The following CHN2 variants were observed in gnomAD, a reference collection of about 807,000 sequenced individuals.
CHN2 encodes the protein beta-chimaerin.
CHN2 carries 35 observed loss-of-function variants against 56.3 expected under a neutral mutation model. That is an observed-to-expected ratio of 0.62 (90% CI 0.47 to 0.82). The LOEUF (loss-of-function observed/expected upper bound fraction) is 0.82. Ranked by LOEUF, CHN2 falls within the 40% of genes least tolerant of loss-of-function variation. The pLI is 0.00. For missense variants in CHN2, 491 were observed against 580.5 expected (o/e 0.85, Z 1.58); for synonymous variants, 210 against 212.8 (o/e 0.99, Z 0.12).
chr7:29,152,301 T>A (rs993696398), intron 2 of CHN2, among the ~76,000 whole-genome samples: 1 of 152,192 alleles, frequency 6.6e-6, no homozygotes, highest in Admixed American at 6.5e-5. Context: ...GGTTAACTGC[T>A]ATGGATTTAA....
intron 2 of CHN2, among the ~76,000 whole-genome samples, chr7:29,178,164 A>G (rs1393582468): frequency 6.6e-6 from 1 of 152,086 alleles, no homozygotes; most frequent in Admixed American, 6.5e-5. Flanking sequence ...CTTTGAAACC[A>G]CTGGAATAGT....
At chr7:29,148,157 G>A (rs935388410) in intron 2 of CHN2, among the ~76,000 whole-genome samples, 31 of 152,316 alleles carry the variant, frequency 2.0e-4, no homozygotes, top group Admixed American at 3.3e-4. Context: ...CCTTGAAGCA[G>A]GCTCAGTGCC....
chr7:29,431,955 C>T (rs1268089788), intron 6 of CHN2, among the ~76,000 whole-genome samples: 1 of 152,226 alleles, frequency 6.6e-6, no homozygotes, highest in South Asian at 2.1e-4. Context: ...TCTCACCCTG[C>T]GGGCTGACAG....
intron 1 of CHN2, among the ~76,000 whole-genome samples, chr7:29,263,560 C>T (rs978748600): frequency 2.0e-5 from 3 of 151,448 alleles, no homozygotes; most frequent in East Asian, 3.9e-4. Flanking sequence ...TCTTTCCAGC[C>T]GCCACCCTGT....
At chr7:29,234,025 G>A (rs1344803589) in intron 1 of CHN2, among the ~76,000 whole-genome samples, 1 of 149,956 alleles carries the variant, frequency 6.7e-6, no homozygotes, top group African/African-American at 2.5e-5. Context: ...AGTAGAGACG[G>A]GGTTTCACCG....
intron 6 of CHN2, among the ~76,000 whole-genome samples, chr7:29,468,600 C>T (rs1012637932): frequency 6.9e-6 from 1 of 145,458 alleles, no homozygotes; most frequent in Non-Finnish European, 1.5e-5. Flanking sequence ...CTTTTTACTG[C>T]AGTGCTTGGC....
chr7:29,286,512 C>A (rs1250038840), intron 1 of CHN2, among the ~76,000 whole-genome samples: 1 of 152,074 alleles, frequency 6.6e-6, no homozygotes, highest in African/African-American at 2.4e-5. Context: ...GGGGCAGGGG[C>A]GAAGCCAGCG....
intron 1 of CHN2, among the ~76,000 whole-genome samples, chr7:29,340,239 A>G (rs1170226936): frequency 1.3e-5 from 2 of 152,188 alleles, no homozygotes; most frequent in Non-Finnish European, 2.9e-5. Flanking sequence ...TGTACAAATA[A>G]CTGAATTAAT....
chr7:29,474,016 A>T (rs1356802998), intron 6 of CHN2, among the ~76,000 whole-genome samples: 1 of 152,164 alleles, frequency 6.6e-6, no homozygotes, highest in African/African-American at 2.4e-5. Flanking sequence ...GTCAATTAAA[A>T]TTTTTCCACC....
At chr7:29,443,142 T>G (rs1256764976) in intron 6 of CHN2, among the ~76,000 whole-genome samples, 3 of 151,298 alleles carry the variant, frequency 2.0e-5, no homozygotes, top group East Asian at 1.9e-4. Flanking sequence ...GGGTTTCACC[T>G]TGTTAGCCAG....
At position 29,194,837 on chromosome 7, in the gene CHN2, T is replaced by C; in HGVS notation, c.-105T>C. ...TGCTTTCTGCGCGTCCCCAGGACTT[T>C]GCCATGGGCTGGGGGCCGCGGAGGC... On this transcript the variant is annotated 5_prime_UTR_variant, in exon 1 of 13. Coordinates refer to ENST00000222792, the MANE Select transcript of CHN2 (RefSeq NM_004067.4). 9.2e-7 allele frequency: 1 copy of C among 1,081,732 alleles called. No homozygotes were observed. The highest frequency in any genetic ancestry group is 3.3e-5 in the East Asian group (1 of 30,312). The allele number at this position is 1,081,732 out of a possible 1,614,324, so 67.0% of individuals were successfully genotyped here.
At chr7:29,164,208 C>T (rs1262388437) in intron 2 of CHN2, among the ~76,000 whole-genome samples, 1 of 152,182 alleles carries the variant, frequency 6.6e-6, no homozygotes, top group Admixed American at 6.5e-5. Context: ...GGTGTCAACT[C>T]ACCGTGATTT....
At chr7:29,258,860 ACTTCC>A (rs558795455) in intron 1 of CHN2, among the ~76,000 whole-genome samples, 232 of 152,320 alleles carry the variant, frequency 1.5e-3, no homozygotes, top group Non-Finnish European at 2.5e-3. Context: ...ATGCAATCCC[ACTTCC>A]ATCTTTCTAT....
intron 1 of CHN2, among the ~76,000 whole-genome samples, chr7:29,258,591 T>C (rs1789265011): frequency 6.6e-6 from 1 of 152,224 alleles, no homozygotes; most frequent in South Asian, 2.1e-4. Context: ...CTATCTGTAC[T>C]ACTAATTTGA....
chr7:29,454,459 A>G (rs1784614042), intron 6 of CHN2, among the ~76,000 whole-genome samples: 1 of 152,222 alleles, frequency 6.6e-6, no homozygotes, highest in East Asian at 1.9e-4. Context: ...TAGTATGTTA[A>G]AAGAGTTAGG....
At chr7:29,406,222 A>T (rs1266965857) in intron 6 of CHN2, among the ~76,000 whole-genome samples, 5 of 152,162 alleles carry the variant, frequency 3.3e-5, no homozygotes, top group Admixed American at 6.5e-5. Flanking sequence ...TTTGGTACAG[A>T]TGGGGAATTT....
chr7:29,437,018 G>A (rs1401757536), intron 6 of CHN2, among the ~76,000 whole-genome samples: 2 of 151,724 alleles, frequency 1.3e-5, no homozygotes, highest in African/African-American at 2.4e-5. Flanking sequence ...ATAATAAGTA[G>A]AGGATACAGA....
chr7:29,229,837 C>T (rs1026177295), intron 1 of CHN2, among the ~76,000 whole-genome samples: 1 of 152,044 alleles, frequency 6.6e-6, no homozygotes, highest in Admixed American at 6.6e-5. Flanking sequence ...ATTAGGTGGG[C>T]ATGGTGGCAT....
chr7:29,409,318 A>T (rs1036273797), intron 6 of CHN2, among the ~76,000 whole-genome samples: 2 of 152,222 alleles, frequency 1.3e-5, no homozygotes, highest in Non-Finnish European at 2.9e-5. Flanking sequence ...TTATGGTATT[A>T]GAAAGTAAAA....
Sources: gnomAD v4.1 joint callset for allele counts (sites outside exome capture counted in the v4.1 genomes callset) on GRCh38, gnomAD v4.1.1 for gene constraint, MANE v1.5 for transcripts, NCBI Gene and HGNC (gene_info 2026-07-23, HGNC 2026-07-21) for gene names.